Variants in RNGTT observed in about 807,000 individuals in gnomAD.
RNGTT encodes mRNA-capping enzyme.
RNGTT carries 33 observed loss-of-function variants against 79.3 expected under a neutral mutation model. The ratio of observed to expected loss-of-function variants is 0.42; its 90% CI spans 0.32 to 0.56. The LOEUF is 0.56. Ranked by LOEUF, RNGTT falls within the 20% of genes least tolerant of loss-of-function variation. The pLI is 0.17. For synonymous variants in RNGTT, 222 were observed against 235.9 expected (o/e 0.94, Z 0.54); for missense variants, 497 against 739.1 (o/e 0.67, Z 3.80).
At chr6:88,861,793 C>A (rs1782022021) in intron 8 of RNGTT, among the ~76,000 whole-genome samples, 1 of 152,100 alleles carries the variant, frequency 6.6e-6, no homozygotes, top group Non-Finnish European at 1.5e-5. Context: ...CTTATAAAAT[C>A]CAGTTTTCCC....
intron 13 of RNGTT, among the ~76,000 whole-genome samples, chr6:88,712,230 C>T (rs1776343449): frequency 6.6e-6 from 1 of 152,080 alleles, no homozygotes; most frequent in African/African-American, 2.4e-5. Flanking sequence ...AAAATAAATG[C>T]TAATAATCAA....
chr6:88,690,761 A>G (rs1156838994), intron 13 of RNGTT, among the ~76,000 whole-genome samples: 2 of 152,196 alleles, frequency 1.3e-5, no homozygotes, highest in African/African-American at 4.8e-5. Flanking sequence ...TCATTTAGAG[A>G]CTGAAAGAAG....
At chr6:88,795,179 T>G (rs1018212700) in intron 12 of RNGTT, among the ~76,000 whole-genome samples, 1 of 152,228 alleles carries the variant, frequency 6.6e-6, no homozygotes, top group Admixed American at 6.5e-5. Flanking sequence ...TATTCATGAC[T>G]AAGGTGATAC....
intron 13 of RNGTT, among the ~76,000 whole-genome samples, chr6:88,761,046 CACACACAT>C (rs1246295560): frequency 3.8e-4 from 57 of 150,856 alleles, no homozygotes; most frequent in African/African-American, 1.4e-3. Context: ...CACACACACA[CACACACAT>C]ACACTCTAGT....
chr6:88,650,855 G>T (rs1169798814), intron 14 of RNGTT, among the ~76,000 whole-genome samples: 5 of 152,090 alleles, frequency 3.3e-5, no homozygotes, highest in Admixed American at 6.5e-5. Flanking sequence ...AAAAATGACA[G>T]GTAGGAGAAA....
At chr6:88,626,700 A>C (rs1772646658) in intron 14 of RNGTT, among the ~76,000 whole-genome samples, 1 of 152,074 alleles carries the variant, frequency 6.6e-6, no homozygotes, top group East Asian at 1.9e-4. Context: ...TTAAGAATTT[A>C]CAATAGGTTA....
intron 8 of RNGTT, among the ~76,000 whole-genome samples, chr6:88,864,234 C>G (rs1341449640): frequency 6.6e-6 from 1 of 152,072 alleles, no homozygotes; most frequent in Non-Finnish European, 1.5e-5. Context: ...ATGATCACAT[C>G]ATGGTGAAAG....
At chr6:88,687,582 T>C (rs1775324591) in intron 13 of RNGTT, among the ~76,000 whole-genome samples, 1 of 152,144 alleles carries the variant, frequency 6.6e-6, no homozygotes, top group African/African-American at 2.4e-5. Context: ...CACAGTGGAA[T>C]AATATGCAGC....
chr6:88,689,040 A>G (rs1775380506), intron 13 of RNGTT, among the ~76,000 whole-genome samples: 2 of 152,228 alleles, frequency 1.3e-5, no homozygotes, highest in African/African-American at 4.8e-5. Context: ...AGTCAACAGT[A>G]AGCTATTAGT....
intron 13 of RNGTT, among the ~76,000 whole-genome samples, chr6:88,753,269 T>C (rs1235313495): frequency 6.6e-6 from 1 of 151,830 alleles, no homozygotes. Context: ...CTTTGGGAGG[T>C]TGAGGCAGGA....
At chr6:88,623,487 T>C (rs1415781455) in intron 14 of RNGTT, among the ~76,000 whole-genome samples, 3 of 152,004 alleles carry the variant, frequency 2.0e-5, no homozygotes, top group Non-Finnish European at 1.5e-5. Context: ...CCTGATCCCT[T>C]CCTCTTCTTT....
At chr6:88,913,433 T>C (rs1176484406) in intron 4 of RNGTT, among the ~76,000 whole-genome samples, 1 of 152,058 alleles carries the variant, frequency 6.6e-6, no homozygotes, top group Admixed American at 6.6e-5. Context: ...CCAATATCCC[T>C]GATAAACATA....
intron 1 of RNGTT, among the ~76,000 whole-genome samples, chr6:88,951,734 G>A (rs1436823782): frequency 6.6e-6 from 1 of 152,052 alleles, no homozygotes; most frequent in Non-Finnish European, 1.5e-5. Context: ...TATAAAAGTA[G>A]AAGCAGCAGC....
intron 8 of RNGTT, among the ~76,000 whole-genome samples, chr6:88,885,538 A>G (rs766633200): frequency 2.0e-5 from 3 of 152,236 alleles, no homozygotes; most frequent in Non-Finnish European, 2.9e-5. Context: ...TAAGAGCTGA[A>G]TTCCACTATT....
At chr6:88,703,777 T>C (rs1776022880) in intron 13 of RNGTT, among the ~76,000 whole-genome samples, 1 of 152,228 alleles carries the variant, frequency 6.6e-6, no homozygotes, top group South Asian at 2.1e-4. Flanking sequence ...AACCACTTTA[T>C]CTGGAAAGAA....
At chr6:88,961,327 G>A (rs538330044) in intron 1 of RNGTT, among the ~76,000 whole-genome samples, 11 of 151,944 alleles carry the variant, frequency 7.2e-5, no homozygotes, top group Admixed American at 1.3e-4. Context: ...GTCTGTATGT[G>A]TGTGTGTGTA....
chr6:88,943,642 A>T (rs62429042), intron 1 of RNGTT, among the ~76,000 whole-genome samples: 1,990 of 152,262 alleles, frequency 0.013, 17 homozygotes, highest in Non-Finnish European at 0.019. Context: ...GGAAAATATA[A>T]ATCATGAGCA....
chr6:88,665,100 T>C (rs137991494), intron 14 of RNGTT, among the ~76,000 whole-genome samples: 73 of 152,256 alleles, frequency 4.8e-4, no homozygotes, highest in African/African-American at 1.8e-3. Flanking sequence ...GCAAGGCTCT[T>C]TACAACTGAA....
chr6:88,616,583 A>G lies in RNGTT; in HGVS notation c.1507-2188T>C, dbSNP rs138311350. Among the ~76,000 whole-genome samples the G allele has an allele frequency of 1.9e-4, 29 of 152,032 alleles. No homozygotes were observed. The East Asian group carries it at 5.4e-3, about 28-fold the overall frequency. ...TAATTTAAACTTTTTGTTCTTTCATAGTGGCCATCCTGATGGTGTCAGGTG... is the reference window on the plus strand; with the variant it reads ...TAATTTAAACTTTTTGTTCTTTCATGGTGGCCATCCTGATGGTGTCAGGTG... On this transcript the variant is annotated intron_variant, in intron 14 of 15. Transcript: ENST00000369485.
Sources: gnomAD v4.1 joint callset for allele counts (sites outside exome capture counted in the v4.1 genomes callset) on GRCh38, gnomAD v4.1.1 for gene constraint, MANE v1.5 for transcripts, NCBI Gene and HGNC (gene_info 2026-07-23, HGNC 2026-07-21) for gene names.